Variants in EXT1 observed in about 807,000 individuals in gnomAD.
EXT1 encodes exostosin glycosyltransferase 1, also known as exostosin-1.
A neutral mutation model predicts 82.5 loss-of-function variants in EXT1; 20 were observed. The observed-to-expected ratio is 0.24, with a 90% CI of 0.17 to 0.35. The LOEUF is 0.35. EXT1 is among the 10% of genes least tolerant of loss of function. The pLI, the probability that EXT1 is intolerant of heterozygous loss-of-function variation, is 1.00. For missense variants in EXT1, 757 were observed against 936.5 expected, an observed-to-expected ratio of 0.81 and a Z score of 2.50; for synonymous variants, 348 against 350.8, an observed-to-expected ratio of 0.99 and a Z score of 0.09.
chr8:117,865,012 T>C (rs948774240), intron 1 of EXT1, among the ~76,000 whole-genome samples: 3 of 152,138 alleles, frequency 2.0e-5, no homozygotes, highest in Non-Finnish European at 4.4e-5. Context: ...CAGAAATTAA[T>C]TACCATGACA....
intron 1 of EXT1, among the ~76,000 whole-genome samples, chr8:118,032,968 G>A (rs1474828627): frequency 1.3e-5 from 2 of 152,108 alleles, no homozygotes; most frequent in African/African-American, 2.4e-5. Flanking sequence ...AAAAAATGCA[G>A]CACAATTTCA....
intron 1 of EXT1, among the ~76,000 whole-genome samples, chr8:117,910,552 C>A (rs1306090606): frequency 6.6e-6 from 1 of 152,010 alleles, no homozygotes; most frequent in East Asian, 1.9e-4. Context: ...TGAATTACTG[C>A]GACAGCCAGA....
chr8:117,878,499 G>C (rs1813007801), intron 1 of EXT1, among the ~76,000 whole-genome samples: 1 of 152,178 alleles, frequency 6.6e-6, no homozygotes. Context: ...ACAAACCTCT[G>C]CCTTCATGGA....
At chr8:117,889,882 A>T (rs1037117437) in intron 1 of EXT1, among the ~76,000 whole-genome samples, 14 of 152,206 alleles carry the variant, frequency 9.2e-5, no homozygotes, top group Non-Finnish European at 1.9e-4. Context: ...CATGCGATTT[A>T]ATTACTCTGC....
At chr8:118,098,064 C>A (rs769007528) in intron 1 of EXT1, among the ~76,000 whole-genome samples, 1 of 152,024 alleles carries the variant, frequency 6.6e-6, no homozygotes, top group Non-Finnish European at 1.5e-5. Flanking sequence ...GATGAGAAGG[C>A]AGGCAGAGCT....
At chr8:117,995,419 C>A (rs1815517496) in intron 1 of EXT1, among the ~76,000 whole-genome samples, 1 of 152,168 alleles carries the variant, frequency 6.6e-6, no homozygotes, top group African/African-American at 2.4e-5. Context: ...TCCCCTTGGG[C>A]TATGGATTTT....
At position 117,862,645 on chromosome 8, in the gene EXT1, T is replaced by C. The variant is rs1367401448; in HGVS notation, c.963-25444A>G. Among the ~76,000 whole-genome samples, 5 of 145,398 alleles carry C rather than the reference T, an allele frequency of 3.4e-5. 1 individual carries two copies. Among genetic ancestry groups the C allele is most frequent in the African/African-American group, 1.2e-4 (5 of 41,032 alleles). ...TCTACAAAGGGGAATTAGACAGGAA[T>C]GGGATGTGGTCCGTGGAGACTGTGG... On this transcript the variant is annotated intron_variant, in intron 1 of 10. Coordinates refer to ENST00000378204, the MANE Select transcript of EXT1 (RefSeq NM_000127.3).
intron 1 of EXT1, among the ~76,000 whole-genome samples, chr8:118,076,239 G>C (rs1334785205): frequency 1.3e-5 from 2 of 152,202 alleles, no homozygotes; most frequent in East Asian, 1.9e-4. Context: ...ATAAGGTTTT[G>C]AGAAAGAATT....
intron 1 of EXT1, among the ~76,000 whole-genome samples, chr8:118,090,288 G>T (rs1318679745): frequency 6.6e-6 from 1 of 152,120 alleles, no homozygotes; most frequent in African/African-American, 2.4e-5. Context: ...AGCAGGGTGT[G>T]GTGGCACACG....
intron 1 of EXT1, among the ~76,000 whole-genome samples, chr8:118,028,918 A>G (rs537278683): frequency 5.8e-4 from 88 of 152,194 alleles, no homozygotes; most frequent in African/African-American, 2.0e-3. Flanking sequence ...GCGAAATTCC[A>G]TCTCAAAGAA....
intron 1 of EXT1, among the ~76,000 whole-genome samples, chr8:117,944,372 C>A (rs1172032371): frequency 6.6e-6 from 1 of 152,142 alleles, no homozygotes; most frequent in Non-Finnish European, 1.5e-5. Context: ...GTACTCCAGC[C>A]TGAGCAACAG....
chr8:117,867,260 G>GGAAA (rs774425294), intron 1 of EXT1, among the ~76,000 whole-genome samples: 3 of 98,906 alleles, frequency 3.0e-5, no homozygotes, highest in Admixed American at 2.2e-4. Context: ...CTCCACCTCA[G>GGAAA]AAAAAAAAAA....
intron 1 of EXT1, among the ~76,000 whole-genome samples, chr8:118,043,860 C>G (rs1319898310): frequency 1.3e-5 from 2 of 152,214 alleles, no homozygotes; most frequent in Admixed American, 6.5e-5. Context: ...GTCCAACTCA[C>G]TTCCAGAAAG....
In EXT1 at chr8:117,827,784, C is replaced by CAAAAAAAAAAAAA. The variant is rs768731740; in HGVS notation, c.1284+2433_1284+2445dup. ...TGGGGGACAGGGTGAGACTCTGTCT[C>CAAAAAAAAAAAAA]AAAAAAAAAAAAAAAAAAAAAAAAA... is the stretch of plus-strand genomic sequence containing the variant. On this transcript the variant is annotated intron_variant, in intron 4 of 10. Transcript: ENST00000378204. Among the ~76,000 whole-genome samples, 40 of 54,136 alleles carry CAAAAAAAAAAAAA rather than the reference C, an allele frequency of 7.4e-4. 3 individuals carry two copies. Among genetic ancestry groups the CAAAAAAAAAAAAA allele is most frequent in the African/African-American group, 3.0e-3 (38 of 12,554 alleles). 35.5% of individuals were successfully genotyped at this position (54,136 alleles called of 152,430 possible).
intron 1 of EXT1, among the ~76,000 whole-genome samples, chr8:117,893,609 C>T (rs1326565616): frequency 6.6e-6 from 1 of 152,188 alleles, no homozygotes; most frequent in Non-Finnish European, 1.5e-5. Flanking sequence ...GCTAAACCCC[C>T]GTGATGCTGA....
intron 1 of EXT1, among the ~76,000 whole-genome samples, chr8:117,913,736 C>A (rs1177163547): frequency 6.6e-6 from 1 of 152,118 alleles, no homozygotes; most frequent in Non-Finnish European, 1.5e-5. Context: ...ATCAATGACT[C>A]TATAATAAGT....
At chr8:117,995,025 G>C (rs1198782787) in intron 1 of EXT1, among the ~76,000 whole-genome samples, 1 of 152,194 alleles carries the variant, frequency 6.6e-6, no homozygotes, top group African/African-American at 2.4e-5. Context: ...TCTGTGTCCA[G>C]AGTCACGAAG....
At chr8:117,936,924 G>A (rs1814175949) in intron 1 of EXT1, among the ~76,000 whole-genome samples, 2 of 152,044 alleles carry the variant, frequency 1.3e-5, no homozygotes, top group Non-Finnish European at 2.9e-5. Flanking sequence ...AAATAACTAT[G>A]TTGAGTTGGA....
intron 1 of EXT1, among the ~76,000 whole-genome samples, chr8:118,098,127 C>G (rs1586272572): frequency 1.3e-5 from 2 of 152,158 alleles, no homozygotes; most frequent in East Asian, 3.9e-4. Context: ...AAGGCCCATT[C>G]AAGCAGGGTG....
Sources: allele counts gnomAD v4.1 joint callset (sites outside exome capture counted in the v4.1 genomes callset), GRCh38; gene constraint gnomAD v4.1.1; transcripts MANE v1.5; gene names NCBI Gene and HGNC (gene_info 2026-07-23, HGNC 2026-07-21).